LSAMP: variants seen among roughly 807,000 people sequenced by gnomAD.
LSAMP encodes limbic system associated membrane protein, also known as limbic system-associated membrane protein.
LSAMP carries 7 observed loss-of-function variants against 38.6 expected under a neutral mutation model. The observed-to-expected ratio is 0.18, with a 90% CI of 0.10 to 0.34. The LOEUF is 0.34. Ranked by LOEUF, LSAMP falls within the 10% of genes least tolerant of loss-of-function variation. LSAMP has a pLI of 1.00. For missense variants in LSAMP, 313 were observed against 420.0 expected (o/e 0.75, Z 2.23); for synonymous variants, 154 against 166.8 (o/e 0.92, Z 0.59).
chr3:116,109,475 C>T (rs1030611749), intron 1 of LSAMP, among the ~76,000 whole-genome samples: 11 of 151,898 alleles, frequency 7.2e-5, no homozygotes, highest in African/African-American at 1.5e-4. Flanking sequence ...AGATTTGGGA[C>T]GAGTTGCACT....
chr3:116,288,847 G>C (rs978121696), intron 1 of LSAMP, among the ~76,000 whole-genome samples: 2 of 152,144 alleles, frequency 1.3e-5, no homozygotes, highest in Admixed American at 1.3e-4. Flanking sequence ...TATTTATTAA[G>C]TTATTTCAAT....
At chr3:116,175,597 A>G (rs891094371) in intron 1 of LSAMP, among the ~76,000 whole-genome samples, 2 of 152,072 alleles carry the variant, frequency 1.3e-5, no homozygotes, top group African/African-American at 4.8e-5. Context: ...ACATTGATTC[A>G]ATGTAGGAGA....
intron 6 of LSAMP, chr3:115,816,671 A>G (rs918566978): frequency 1.6e-6 from 2 of 1,260,714 alleles, no homozygotes; most frequent in African/African-American, 3.1e-5. Context: ...ATTAAGCAAA[A>G]CAAAAACAAA....
intron 1 of LSAMP, among the ~76,000 whole-genome samples, chr3:116,419,289 G>A (rs191000413): frequency 2.0e-5 from 3 of 152,124 alleles, no homozygotes; most frequent in South Asian, 2.1e-4. Flanking sequence ...ACATATTTTC[G>A]AAGCCTTCTT....
intron 3 of LSAMP, among the ~76,000 whole-genome samples, chr3:116,002,045 C>A (rs1940011574): frequency 6.6e-6 from 1 of 152,078 alleles, no homozygotes; most frequent in Admixed American, 6.6e-5. Context: ...ACTTTTGAAA[C>A]AATATCATCT....
At chr3:115,936,661 A>T (rs1937712072) in intron 3 of LSAMP, among the ~76,000 whole-genome samples, 1 of 152,172 alleles carries the variant, frequency 6.6e-6, no homozygotes, top group Non-Finnish European at 1.5e-5. Context: ...AGCCTTTGGG[A>T]ACCTGGAGGG....
intron 1 of LSAMP, among the ~76,000 whole-genome samples, chr3:116,405,583 T>G (rs2048888107): frequency 6.6e-6 from 1 of 151,868 alleles, no homozygotes; most frequent in African/African-American, 2.4e-5. Flanking sequence ...AAAAAACATG[T>G]AAAACTCCAA....
intron 1 of LSAMP, among the ~76,000 whole-genome samples, chr3:116,190,017 T>C (rs764600566): frequency 3.3e-5 from 5 of 151,722 alleles, no homozygotes; most frequent in Non-Finnish European, 7.4e-5. Context: ...TACCTTTCAA[T>C]GTAAAAAATA....
At chr3:116,287,779 C>T (rs967230882) in intron 1 of LSAMP, among the ~76,000 whole-genome samples, 2 of 152,326 alleles carry the variant, frequency 1.3e-5, no homozygotes, top group Admixed American at 6.5e-5. Context: ...TCATTTCATG[C>T]TCCAATCATT....
chr3:116,153,660 C>T lies in LSAMP; in HGVS notation c.156-67104G>A, dbSNP rs139715460. On this transcript the variant is annotated intron_variant, in intron 1 of 6. Coordinates refer to ENST00000490035, the MANE Select transcript of LSAMP (RefSeq NM_002338.5). The stretch of plus-strand genomic sequence containing the variant: ...GGGTTCAGAAATTGTTCTAGGGGCA[C>T]GAAACACTTTACTTAGAAATCTTTT... Among the ~76,000 whole-genome samples the T allele has an allele frequency of 2.4e-3, 359 of 151,922 alleles. 1 individual carries two copies. Among genetic ancestry groups the T allele is most frequent in the African/African-American group, 7.6e-3 (316 of 41,456 alleles).
intron 1 of LSAMP, among the ~76,000 whole-genome samples, chr3:116,242,920 T>G (rs1166989510): frequency 6.6e-6 from 1 of 152,226 alleles, no homozygotes; most frequent in Non-Finnish European, 1.5e-5. Context: ...ACTCTTGATT[T>G]GACTGAGTTA....
At chr3:116,033,368 C>T (rs752140453) in intron 2 of LSAMP, among the ~76,000 whole-genome samples, 3 of 152,106 alleles carry the variant, frequency 2.0e-5, no homozygotes, top group South Asian at 2.1e-4. Flanking sequence ...CATGGAGGGG[C>T]CTCTTGTTCC....
intron 1 of LSAMP, among the ~76,000 whole-genome samples, chr3:116,430,246 A>G (rs572957690): frequency 6.6e-6 from 1 of 152,304 alleles, no homozygotes; most frequent in East Asian, 1.9e-4. Context: ...GAAGAAAATA[A>G]TAGAGGCATG....
chr3:116,406,377 G>T (rs1007926698), intron 1 of LSAMP, among the ~76,000 whole-genome samples: 3 of 152,112 alleles, frequency 2.0e-5, no homozygotes, highest in Admixed American at 6.6e-5. Flanking sequence ...CAGCGTTAAA[G>T]CTTTATCATC....
chr3:116,373,599 A>G (rs2048459988), intron 1 of LSAMP, among the ~76,000 whole-genome samples: 1 of 151,884 alleles, frequency 6.6e-6, no homozygotes, highest in South Asian at 2.1e-4. Flanking sequence ...GCATATTATC[A>G]TAATTTTTTA....
intron 1 of LSAMP, among the ~76,000 whole-genome samples, chr3:116,178,738 C>A (rs1246249056): frequency 1.3e-5 from 2 of 152,188 alleles, no homozygotes; most frequent in African/African-American, 2.4e-5. Flanking sequence ...ATCTGGCTCT[C>A]TATCCCACCC....
At chr3:115,826,592 G>C (rs546843650) in intron 6 of LSAMP, among the ~76,000 whole-genome samples, 84 of 152,258 alleles carry the variant, frequency 5.5e-4, no homozygotes, top group African/African-American at 1.9e-3. Context: ...TTAGTGCAGA[G>C]GCTGTACCTG....
intron 1 of LSAMP, among the ~76,000 whole-genome samples, chr3:116,294,712 A>G (rs1435575532): frequency 2.0e-5 from 3 of 152,228 alleles, no homozygotes; most frequent in Non-Finnish European, 4.4e-5. Context: ...ATTAATTTAT[A>G]TATTCTGTGG....
chr3:115,860,790 AG>A (rs1489954749), intron 3 of LSAMP, among the ~76,000 whole-genome samples: 7 of 152,206 alleles, frequency 4.6e-5, no homozygotes, highest in African/African-American at 1.7e-4. Context: ...ATAAGTTTTC[AG>A]GAACTTAAGA....
Sources: gnomAD v4.1 joint callset for allele counts (sites outside exome capture counted in the v4.1 genomes callset) on GRCh38, gnomAD v4.1.1 for gene constraint, MANE v1.5 for transcripts, NCBI Gene and HGNC (gene_info 2026-07-23, HGNC 2026-07-21) for gene names.